The following FAM171A1 variants were observed in gnomAD, a reference collection of about 807,000 sequenced individuals.
FAM171A1 encodes the protein family with sequence similarity 171 member A1, also known as protein FAM171A1.
Under a neutral mutation model 74.9 loss-of-function variants are expected in FAM171A1, and 23 were observed. That is an observed-to-expected ratio of 0.31 (90% confidence interval 0.22 to 0.44). The LOEUF (loss-of-function observed/expected upper bound fraction) is 0.44, where lower values mean the gene tolerates loss of function less well. Among genes scored for constraint, FAM171A1 ranks in the 20% least tolerant of loss-of-function variants. The probability of loss-of-function intolerance (pLI) is 1.00; values close to 1 mark genes in which losing one functional copy is unlikely to be tolerated. For synonymous variants in FAM171A1, 527 were observed against 505.7 expected (o/e 1.04, Z -0.57); for missense variants, 1,162 against 1,159.2 (o/e 1.00, Z -0.03).
At chr10:15,306,728 G>C (rs1835300397) in intron 1 of FAM171A1, among the ~76,000 whole-genome samples, 1 of 152,152 alleles carries the variant, frequency 6.6e-6, no homozygotes. Flanking sequence ...TCTCAAGGAT[G>C]ACCACCCAAA....
At chr10:15,276,433 C>G (rs1834896280) in intron 2 of FAM171A1, among the ~76,000 whole-genome samples, 1 of 152,362 alleles carries the variant, frequency 6.6e-6, no homozygotes, top group East Asian at 1.9e-4. Context: ...CCTGCCTTGG[C>G]CTCCCAAAGT....
intron 3 of FAM171A1, among the ~76,000 whole-genome samples, chr10:15,258,630 C>T (rs1292176937): frequency 1.3e-5 from 2 of 152,284 alleles, no homozygotes; most frequent in East Asian, 3.9e-4. Flanking sequence ...ACAATGCATG[C>T]TGCCCTTGGA....
chr10:15,222,618 G>A (rs1311749155), intron 5 of FAM171A1, among the ~76,000 whole-genome samples: 2 of 152,194 alleles, frequency 1.3e-5, no homozygotes, highest in Non-Finnish European at 2.9e-5. Flanking sequence ...TTAGCTACAC[G>A]CCTCATGCAG....
At chr10:15,334,093 T>C (rs374067789) in intron 1 of FAM171A1, among the ~76,000 whole-genome samples, 1 of 152,180 alleles carries the variant, frequency 6.6e-6, no homozygotes, top group Non-Finnish European at 1.5e-5. Context: ...AACATGGACA[T>C]GCAAATGAAC....
chr10:15,333,286 G>C (rs1056093983), intron 1 of FAM171A1, among the ~76,000 whole-genome samples: 39 of 152,092 alleles, frequency 2.6e-4, no homozygotes, highest in Non-Finnish European at 4.4e-5. Context: ...CTGAGGTCAG[G>C]AGTTCGAGAC....
At chr10:15,289,905 G>A (rs549621026) in intron 1 of FAM171A1, among the ~76,000 whole-genome samples, 1 of 152,354 alleles carries the variant, frequency 6.6e-6, no homozygotes, top group Middle Eastern at 3.4e-3. Context: ...GACCATAAGG[G>A]CTGCAAAGCC....
intron 5 of FAM171A1, among the ~76,000 whole-genome samples, chr10:15,240,488 C>T (rs1022950109): frequency 6.6e-6 from 1 of 152,062 alleles, no homozygotes; most frequent in South Asian, 2.1e-4. Context: ...TAGTTGATCA[C>T]CTTCTAATGA....
chr10:15,338,683 C>T (rs115318403), intron 1 of FAM171A1, among the ~76,000 whole-genome samples: 153 of 152,234 alleles, frequency 1.0e-3, no homozygotes, highest in Middle Eastern at 6.8e-3. Context: ...ACCCCAGCAC[C>T]GACAGTTAGC....
intron 2 of FAM171A1, among the ~76,000 whole-genome samples, chr10:15,282,582 G>A (rs975692580): frequency 5.3e-5 from 8 of 152,158 alleles, no homozygotes; most frequent in Non-Finnish European, 7.3e-5. Context: ...TGTGAACAAC[G>A]ACAATTGACT....
At chr10:15,278,861 C>T (rs1199038394) in intron 2 of FAM171A1, among the ~76,000 whole-genome samples, 1 of 152,122 alleles carries the variant, frequency 6.6e-6, no homozygotes, top group Non-Finnish European at 1.5e-5. Context: ...TCCCGCATGA[C>T]CACTTCGTAG....
chr10:15,370,513 G>C (rs1237741163), intron 1 of FAM171A1, among the ~76,000 whole-genome samples: 1 of 152,034 alleles, frequency 6.6e-6, no homozygotes, highest in East Asian at 1.9e-4. Context: ...GCGCAGCCCA[G>C]GAGCTGGGAC....
At chr10:15,328,796 C>G (rs6602836) in intron 1 of FAM171A1, among the ~76,000 whole-genome samples, 148,594 of 152,270 alleles carry the variant, frequency 0.98, 72,601 homozygotes, top group East Asian at 1. Flanking sequence ...TTAGGCCCCA[C>G]CAAATACAGG....
intron 1 of FAM171A1, among the ~76,000 whole-genome samples, chr10:15,306,766 C>T (rs1298280570): frequency 6.6e-6 from 1 of 152,178 alleles, no homozygotes; most frequent in Non-Finnish European, 1.5e-5. Flanking sequence ...TGACTGAAAG[C>T]CACATCTTAA....
At chr10:15,271,782 C>T (rs1007740896) in intron 3 of FAM171A1, among the ~76,000 whole-genome samples, 4 of 152,166 alleles carry the variant, frequency 2.6e-5, no homozygotes, top group Admixed American at 1.3e-4. Flanking sequence ...TCCAGCCAAA[C>T]TAAGCTTCAT....
intron 3 of FAM171A1, among the ~76,000 whole-genome samples, chr10:15,267,926 C>T (rs913497578): frequency 6.6e-6 from 1 of 152,170 alleles, no homozygotes; most frequent in African/African-American, 2.4e-5. Context: ...TAAAACCACA[C>T]ATTGCCTCCT....
At chr10:15,315,040 T>C (rs1835406235) in intron 1 of FAM171A1, among the ~76,000 whole-genome samples, 1 of 152,258 alleles carries the variant, frequency 6.6e-6, no homozygotes, top group African/African-American at 2.4e-5. Context: ...CAGGCCTTTT[T>C]ATTATTTTTT....
In FAM171A1 at chr10:15,214,042, G is replaced by T; in HGVS notation, c.1546C>A (p.Gln516Lys). Residue 516 changes from glutamine to lysine, a missense_variant, in exon 8 of 8, where the codon CAG (glutamine) becomes AAG (lysine). Coordinates refer to ENST00000378116, the MANE Select transcript of FAM171A1 (RefSeq NM_001010924.2). The stretch of plus-strand genomic sequence containing the variant: ...GAAGGCGCGGGGTACAGATGTTCCT[G>T]AATGGTGAGTTTGCTTCCCGTGGAG... ...PASTGSKLTI[Q>K]EHLYPAPSSP... 1.2e-6 allele frequency: 2 copies of T among 1,614,190 alleles called. No individual in the cohort carries two copies.
At chr10:15,235,216 C>T (rs969076240) in intron 5 of FAM171A1, among the ~76,000 whole-genome samples, 2 of 143,346 alleles carry the variant, frequency 1.4e-5, no homozygotes, top group Non-Finnish European at 1.5e-5. Context: ...ACAGGAGAAT[C>T]GCTTGAACCT....
At chr10:15,255,895 G>A (rs548791203) in intron 3 of FAM171A1, among the ~76,000 whole-genome samples, 13 of 152,072 alleles carry the variant, frequency 8.5e-5, no homozygotes, top group African/African-American at 2.9e-4. Context: ...TGATCCACCC[G>A]CCTCAGCCTC....
Sources: allele counts gnomAD v4.1 joint callset (sites outside exome capture counted in the v4.1 genomes callset), GRCh38; gene constraint gnomAD v4.1.1; transcripts MANE v1.5; gene names NCBI Gene and HGNC (gene_info 2026-07-23, HGNC 2026-07-21).